The following LRRC58 variants were observed in gnomAD, a reference collection of about 807,000 sequenced individuals.
The protein encoded by LRRC58 is leucine-rich repeat-containing protein 58.
In LRRC58, 18 loss-of-function variants were observed where a neutral mutation model predicts 30.6. That is an observed-to-expected ratio of 0.59 (90% CI 0.41 to 0.87). The LOEUF (loss-of-function observed/expected upper bound fraction) is 0.87, where lower values mean the gene tolerates loss of function less well. LRRC58 is among the 40% of genes least tolerant of loss of function. The pLI is 0.00. For missense variants in LRRC58, 420 were observed against 468.4 expected, an observed-to-expected ratio of 0.90 and a Z score of 0.95; for synonymous variants, 221 against 206.0, an observed-to-expected ratio of 1.07 and a Z score of -0.62.
chr3:120,341,080 T>C (rs1935898986), intron 1 of LRRC58, among the ~76,000 whole-genome samples: 1 of 152,224 alleles, frequency 6.6e-6, no homozygotes, highest in African/African-American at 2.4e-5. Context: ...AAAAGTCAAC[T>C]GGTTATAAGA....
In LRRC58 at chr3:120,331,027, G is replaced by T; in HGVS notation, c.*173C>A. 1 of 612,620 alleles carries T rather than the reference G, an allele frequency of 1.6e-6. No individual in the cohort carries two copies. The highest frequency in any genetic ancestry group is 3.0e-6 in the Non-Finnish European group (1 of 338,032). 37.9% of individuals were successfully genotyped at this position (612,620 alleles called of 1,614,324 possible). A position where few individuals can be genotyped will look rare whatever the true frequency, so the allele number is the denominator to read the frequency against. ...GTTAAAATAATCTAAACATGGGACT[G>T]GACTCATTCTTGCTGAATGGGTAGA... On this transcript the variant is annotated 3_prime_UTR_variant, in exon 4 of 4. Transcript: ENST00000295628.
chr3:120,346,422 T>C (rs1165322984), intron 1 of LRRC58, among the ~76,000 whole-genome samples: 1 of 152,200 alleles, frequency 6.6e-6, no homozygotes, highest in African/African-American at 2.4e-5. Flanking sequence ...TTACTAGCCT[T>C]GTAATCTTAT....
intron 1 of LRRC58, among the ~76,000 whole-genome samples, chr3:120,337,388 A>G (rs1935848969): frequency 1.3e-5 from 2 of 152,316 alleles, no homozygotes; most frequent in South Asian, 4.1e-4. Context: ...GAAGTTTAGC[A>G]TCTTTTTATG....
intron 3 of LRRC58, among the ~76,000 whole-genome samples, 196 bp from the exon 4 acceptor site, chr3:120,331,604 G>T (rs984001870): frequency 6.6e-6 from 1 of 152,116 alleles, no homozygotes; most frequent in African/African-American, 2.4e-5. Context: ...GTGCAAAGAG[G>T]TAACCAGGAC....
At position 120,348,808 on chromosome 3, in the gene LRRC58, G is replaced by C. The variant is rs770761809; in HGVS notation, c.436C>G (p.Gln146Glu). The change falls in exon 1 of 4, where the codon CAG becomes GAG. Residue 146 changes from glutamine (Q) to glutamate (E), a missense_variant. Coordinates refer to ENST00000295628, the MANE Select transcript of LRRC58 (RefSeq NM_001099678.2). ...TGGTTGCCGCCCAGGCTCAGGGTCT[G>C]CAGCGCGCGCAGCTCTAAGAGCGAG... is the stretch of plus-strand genomic sequence containing the variant. ...PASLLELRALQTLSLGGNQLQ... is the reference protein window; with the variant it reads ...PASLLELRALETLSLGGNQLQ... The C allele has an allele frequency of 4.4e-6, 7 of 1,607,346 alleles. No individual in the cohort carries two copies. The South Asian group carries it at 7.8e-5, about 18-fold the overall frequency.
intron 1 of LRRC58, among the ~76,000 whole-genome samples, chr3:120,342,496 A>G (rs748738946): frequency 6.6e-6 from 1 of 152,052 alleles, no homozygotes; most frequent in Non-Finnish European, 1.5e-5. Flanking sequence ...CTCAGCTGAG[A>G]GCTTCAGAGA....
At chr3:120,346,050 T>C (rs1189874327) in intron 1 of LRRC58, among the ~76,000 whole-genome samples, 1 of 152,088 alleles carries the variant, frequency 6.6e-6, no homozygotes, top group Non-Finnish European at 1.5e-5. Flanking sequence ...GTCAGAAGTT[T>C]GAGACCAGCC....
chr3:120,333,555 CT>C (rs1168013946), intron 3 of LRRC58, among the ~76,000 whole-genome samples: 1 of 152,176 alleles, frequency 6.6e-6, no homozygotes, highest in Non-Finnish European at 1.5e-5. Flanking sequence ...AATTTTCTCC[CT>C]TTTAACCTTG....
chr3:120,348,069 C>T (rs1576186496), intron 1 of LRRC58, among the ~76,000 whole-genome samples: 1 of 152,126 alleles, frequency 6.6e-6, no homozygotes, highest in East Asian at 1.9e-4. Flanking sequence ...AATTGTTGTG[C>T]AGGGAGTAGT....
rs1935729862 is a variant in LRRC58 at position 120,329,848 on chromosome 3, G to C, written c.*1352C>G. Reference sequence around the variant, plus strand: ...AGCACTTACTTTATATCAACTTATAGTTGTACTATTATTCAATTTGTATTG... The same window carrying C: ...AGCACTTACTTTATATCAACTTATACTTGTACTATTATTCAATTTGTATTG... On this transcript the variant is annotated 3_prime_UTR_variant, in exon 4 of 4. Coordinates refer to ENST00000295628, the MANE Select transcript of LRRC58 (RefSeq NM_001099678.2). The C allele has an allele frequency of 6.6e-6, 1 of 151,920 alleles. No homozygotes were observed. Among genetic ancestry groups the C allele is most frequent in the Non-Finnish European group, 1.5e-5 (1 of 67,900 alleles). 9.4% of individuals were successfully genotyped at this position (151,920 alleles called of 1,614,324 possible). A position where few individuals can be genotyped will look rare whatever the true frequency, so the allele number is the denominator to read the frequency against.
At chr3:120,338,470 TCAATAA>T (rs1216952677) in intron 1 of LRRC58, among the ~76,000 whole-genome samples, 1 of 152,090 alleles carries the variant, frequency 6.6e-6, no homozygotes, top group Non-Finnish European at 1.5e-5. Context: ...AGACAATAAA[TCAATAA>T]CATGTCCATT....
intron 1 of LRRC58, among the ~76,000 whole-genome samples, chr3:120,345,781 C>T (rs1286861495): frequency 6.6e-6 from 1 of 152,122 alleles, no homozygotes. Context: ...AAATAAGGCA[C>T]GCAAGTGAAA....
rs1360030071 is a variant in LRRC58, at chr3:120,325,568, T to C, written c.*5632A>G. On this transcript the variant is annotated 3_prime_UTR_variant, in exon 4 of 4. Transcript: ENST00000295628. Reference sequence around the variant, plus strand: ...ATTGCCCTGTGAGTGTTCAATAATATGTAGAGTTCATTAGTGAACTGTTTT... The same window carrying C: ...ATTGCCCTGTGAGTGTTCAATAATACGTAGAGTTCATTAGTGAACTGTTTT... The C allele has an allele frequency of 6.6e-6, 1 of 152,206 alleles. No individual in the cohort carries two copies. 9.4% of individuals were successfully genotyped at this position (152,206 alleles called of 1,614,324 possible).
rs780935763 is a variant in LRRC58, at chr3:120,334,824, C to T, written c.907+38G>A. 7 of 1,539,974 alleles carry T rather than the reference C, an allele frequency of 4.5e-6. No homozygotes were observed. The East Asian group carries it at 1.6e-4, about 35-fold the overall frequency. On this transcript the variant is annotated intron_variant, in intron 3 of 3. Coordinates refer to ENST00000295628, the MANE Select transcript of LRRC58 (RefSeq NM_001099678.2). Reference sequence around the variant, plus strand: ...AAGACTTAATTAATTTAAAAAATAGCTAAATAAGTGGGAAACATGAATACT... The same window carrying T: ...AAGACTTAATTAATTTAAAAAATAGTTAAATAAGTGGGAAACATGAATACT...
intron 1 of LRRC58, among the ~76,000 whole-genome samples, chr3:120,340,409 T>C (rs977381211): frequency 1.3e-5 from 2 of 152,202 alleles, no homozygotes; most frequent in African/African-American, 4.8e-5. Flanking sequence ...CTCCCTATTC[T>C]TGCTTCACTG....
At position 120,331,154 on chromosome 3, in the gene LRRC58, A is replaced by T. The variant is rs776343293; in HGVS notation, c.*46T>A. 1.5e-5 allele frequency: 23 copies of T among 1,538,056 alleles called. No individual in the cohort carries two copies. In the East Asian group the frequency reaches 5.2e-4, roughly 35 times the overall value. On this transcript the variant is annotated 3_prime_UTR_variant, in exon 4 of 4. Transcript: ENST00000295628. ...TCAAGCTCTATTTTCTTGTCTAACC[A>T]TTTTGCTCAGTTTTTTAAGTATTTC... is the stretch of plus-strand genomic sequence containing the variant.
At chr3:120,344,061 A>G (rs1031136728) in intron 1 of LRRC58, among the ~76,000 whole-genome samples, 2 of 151,830 alleles carry the variant, frequency 1.3e-5, no homozygotes, top group African/African-American at 4.8e-5. Context: ...AAACAAACAA[A>G]CAAAAACAAA....
chr3:120,336,749 G>A (rs1181186623), intron 1 of LRRC58, among the ~76,000 whole-genome samples: 1 of 151,104 alleles, frequency 6.6e-6, no homozygotes, highest in African/African-American at 2.4e-5. Flanking sequence ...TAAAAAAAAA[G>A]AGAGTACTCT....
chr3:120,329,206 T>C lies in LRRC58; in HGVS notation c.*1994A>G, dbSNP rs1935721475. 6.6e-6 allele frequency: 1 copy of C among 152,150 alleles called. No individual in the cohort carries two copies. Among genetic ancestry groups the C allele is most frequent in the African/African-American group, 2.4e-5 (1 of 41,446 alleles). 9.4% of individuals were successfully genotyped at this position (152,150 alleles called of 1,614,324 possible). A position where few individuals can be genotyped will look rare whatever the true frequency, so the allele number is the denominator to read the frequency against. ...TGAGTATTTTACTATGAATACATTA[T>C]TTTCTATGAAAATATCTTATGTATC... On this transcript the variant is annotated 3_prime_UTR_variant, in exon 4 of 4. Transcript: ENST00000295628.
Sources: gnomAD v4.1 joint callset for allele counts (sites outside exome capture counted in the v4.1 genomes callset) on GRCh38, gnomAD v4.1.1 for gene constraint, MANE v1.5 for transcripts, NCBI Gene and HGNC (gene_info 2026-07-23, HGNC 2026-07-21) for gene names.